CMC1: variants seen among roughly 807,000 people sequenced by gnomAD.
CMC1 encodes C-X9-C motif containing 1, also known as COX assembly mitochondrial protein homolog.
Under a neutral mutation model 14.1 loss-of-function variants are expected in CMC1, and 14 were observed. That is an observed-to-expected ratio of 0.99 (90% CI 0.66 to 1.55). CMC1 has a LOEUF of 1.55. CMC1 is among the 40% of genes most tolerant of loss of function. The pLI is 0.00. For synonymous variants in CMC1, 50 were observed against 38.4 expected (o/e 1.30, Z -1.12); for missense variants, 127 against 123.8 (o/e 1.03, Z -0.12).
At chr3:28,308,279 AAAAG>A (rs1462395312) in intron 2 of CMC1, among the ~76,000 whole-genome samples, 1 of 152,224 alleles carries the variant, frequency 6.6e-6, no homozygotes, top group African/African-American at 2.4e-5. Flanking sequence ...CTTTAAAAAA[AAAAG>A]AAAAGAAAAA....
At chr3:28,284,510 T>C (rs1701069990) in intron 2 of CMC1, among the ~76,000 whole-genome samples, 1 of 152,124 alleles carries the variant, frequency 6.6e-6, no homozygotes, top group African/African-American at 2.4e-5. Flanking sequence ...AGAGAGATAA[T>C]TGCATTTTTT....
intron 1 of CMC1, among the ~76,000 whole-genome samples, chr3:28,253,312 T>C (rs564681143): frequency 6.6e-6 from 1 of 152,290 alleles, no homozygotes; most frequent in East Asian, 1.9e-4. Context: ...ACGTGGCAGC[T>C]CACTCCTGTA....
intron 3 of CMC1, chr3:28,317,591 A>G (rs1702988245): frequency 6.6e-6 from 1 of 152,020 alleles, no homozygotes; most frequent in African/African-American, 2.4e-5. Flanking sequence ...CATAATTGTT[A>G]TTGCTAGTTT....
intron 2 of CMC1, among the ~76,000 whole-genome samples, chr3:28,282,807 T>A (rs1700966243): frequency 6.6e-6 from 1 of 152,220 alleles, no homozygotes; most frequent in Non-Finnish European, 1.5e-5. Context: ...ACCTTAAAAC[T>A]TTGGTTTTAA....
chr3:28,277,175 A>G (rs1351209203), intron 2 of CMC1, among the ~76,000 whole-genome samples: 1 of 152,202 alleles, frequency 6.6e-6, no homozygotes, highest in Admixed American at 6.5e-5. Flanking sequence ...AAATTTTCAG[A>G]ATATTAAATA....
intron 2 of CMC1, among the ~76,000 whole-genome samples, chr3:28,310,564 C>T (rs1055714945): frequency 6.6e-6 from 1 of 151,842 alleles, no homozygotes; most frequent in African/African-American, 2.4e-5. Context: ...TTTTCTTTTT[C>T]GTTCTACTTT....
intron 2 of CMC1, chr3:28,298,215 G>C (rs1053030062): frequency 2.0e-5 from 3 of 151,258 alleles, no homozygotes; most frequent in Non-Finnish European, 4.4e-5. Context: ...ATTATAATCT[G>C]TAGGTAACTC....
chr3:28,265,983 G>T (rs890354685), intron 2 of CMC1, among the ~76,000 whole-genome samples: 1 of 152,140 alleles, frequency 6.6e-6, no homozygotes, highest in African/African-American at 2.4e-5. Context: ...ACCATTACCA[G>T]CTGGGACACT....
intron 3 of CMC1, 105 bp from the exon 4 acceptor site, chr3:28,319,404 T>C (rs182042075): frequency 9.8e-7 from 1 of 1,015,538 alleles, no homozygotes; most frequent in African/African-American, 1.6e-5. Context: ...CTTCTAAAGA[T>C]TGAGCCTGAT....
At chr3:28,313,208 A>G (rs978478927) in intron 2 of CMC1, among the ~76,000 whole-genome samples, 3 of 152,094 alleles carry the variant, frequency 2.0e-5, no homozygotes, top group Non-Finnish European at 2.9e-5. Context: ...TCTTTGAGAT[A>G]AATTAAGAGT....
At chr3:28,296,576 T>C (rs866475198) in intron 2 of CMC1, among the ~76,000 whole-genome samples, 5 of 152,018 alleles carry the variant, frequency 3.3e-5, no homozygotes, top group Admixed American at 6.6e-5. Context: ...TTCTTTACTT[T>C]CTTTTGTTTT....
At position 28,323,837 on chromosome 3, in the gene CMC1, G is replaced by T; in HGVS notation, c.*4208G>T. The T allele has an allele frequency of 2.2e-6, 1 of 457,920 alleles. No individual in the cohort carries two copies. The highest frequency in any genetic ancestry group is 3.9e-6 in the Non-Finnish European group (1 of 258,292). The allele number at this position is 457,920 out of a possible 1,614,324, so 28.4% of individuals were successfully genotyped here. A position where few individuals can be genotyped will look rare whatever the true frequency, so the allele number is the denominator to read the frequency against. On this transcript the variant is annotated 3_prime_UTR_variant, in exon 4 of 4. Transcript: ENST00000466830. ...TATAGTAGCATATTTCAGATTCTTA[G>T]AATATGGAGCTAGAGGGTGCTCTTT...
intron 2 of CMC1, among the ~76,000 whole-genome samples, chr3:28,298,551 G>A (rs914322598): frequency 6.6e-6 from 1 of 150,752 alleles, no homozygotes; most frequent in Non-Finnish European, 1.5e-5. Context: ...TTCTAATAAA[G>A]TGTACATTTA....
At chr3:28,299,751 C>CT (rs1013635799) in intron 2 of CMC1, among the ~76,000 whole-genome samples, 3 of 151,758 alleles carry the variant, frequency 2.0e-5, no homozygotes, top group Non-Finnish European at 2.9e-5. Flanking sequence ...TCTTAGTTTA[C>CT]TTTTTTTTAT....
intron 2 of CMC1, among the ~76,000 whole-genome samples, chr3:28,307,887 G>A (rs994268739): frequency 1.3e-5 from 2 of 152,180 alleles, no homozygotes; most frequent in Admixed American, 6.5e-5. Context: ...TGTTTCTGGA[G>A]CCTCTAGGGG....
chr3:28,324,266 A>C lies in CMC1; in HGVS notation c.*4637A>C. On this transcript the variant is annotated 3_prime_UTR_variant, in exon 4 of 4. Coordinates refer to ENST00000466830, the MANE Select transcript of CMC1 (RefSeq NM_182523.2). Reference sequence around the variant, plus strand: ...GGAATGGATCTCTCATTGTCTGTCCATGATTGGAGGATTGCTTTCTCTGAT... The same window carrying C: ...GGAATGGATCTCTCATTGTCTGTCCCTGATTGGAGGATTGCTTTCTCTGAT... 6.2e-7 allele frequency: 1 copy of C among 1,609,494 alleles called. No individual in the cohort carries two copies.
At chr3:28,253,831 T>C (rs1699260275) in intron 1 of CMC1, 1 of 716,244 alleles carries the variant, frequency 1.4e-6, no homozygotes, top group African/African-American at 1.8e-5. Flanking sequence ...ATTAGTTAAA[T>C]TAGAATGTTT....
At chr3:28,259,295 A>G (rs1001405696) in intron 1 of CMC1, among the ~76,000 whole-genome samples, 4 of 152,118 alleles carry the variant, frequency 2.6e-5, no homozygotes, top group South Asian at 4.1e-4. Context: ...AAGGATAACA[A>G]TTGACATTGG....
rs1703181301 is a variant in CMC1 at position 28,321,315 on chromosome 3, A to G, written c.*1686A>G. Reference sequence around the variant, plus strand: ...AATGGAAGAGTTACTTTAAGAAGCTAGTGAAATATACAATCTATTTTATAG... The same window carrying G: ...AATGGAAGAGTTACTTTAAGAAGCTGGTGAAATATACAATCTATTTTATAG... On this transcript the variant is annotated 3_prime_UTR_variant, in exon 4 of 4. Transcript: ENST00000466830. 1 of 151,458 alleles carries G rather than the reference A, an allele frequency of 6.6e-6. No individual in the cohort carries two copies. Among genetic ancestry groups the G allele is most frequent in the Non-Finnish European group, 1.5e-5 (1 of 67,572 alleles). The allele number at this position is 151,458 out of a possible 1,614,324, so 9.4% of individuals were successfully genotyped here.
Sources: allele counts gnomAD v4.1 joint callset (sites outside exome capture counted in the v4.1 genomes callset), GRCh38; gene constraint gnomAD v4.1.1; transcripts MANE v1.5; gene names NCBI Gene and HGNC (gene_info 2026-07-23, HGNC 2026-07-21).